FIG4: variants seen among roughly 807,000 people sequenced by gnomAD.
The protein encoded by FIG4 is polyphosphoinositide phosphatase.
Under a neutral mutation model 118.6 loss-of-function variants are expected in FIG4, and 112 were observed. The observed-to-expected ratio is 0.94, with a 90% CI of 0.81 to 1.11. The LOEUF (loss-of-function observed/expected upper bound fraction) is 1.11, where lower values mean the gene tolerates loss of function less well. Among genes scored for constraint, FIG4 ranks in the 50% least tolerant of loss-of-function variants. The probability of loss-of-function intolerance (pLI) is 0.00; values close to 1 mark genes in which losing one functional copy is unlikely to be tolerated. For missense variants in FIG4, 969 were observed against 1,111.7 expected (o/e 0.87, Z 1.83); for synonymous variants, 369 against 381.2 (o/e 0.97, Z 0.37).
In FIG4 at chr6:109,735,207, C is replaced by G; in HGVS notation, c.555C>G (p.Pro185=). ...ATAATCTCACTGTCTTGCGAATGCC[C>G]CTGGAGATGTTAAAGTCAGAAATGA... The part of the protein sequence containing the change: ...LQYNLTVLRM[P]LEMLKSEMTQ... The change falls in exon 6 of 23, where the codon CCC becomes CCG. Residue 185 remains proline (P), a synonymous_variant. Transcript: ENST00000230124. 6.2e-7 allele frequency: 1 copy of G among 1,612,784 alleles called. No individual in the cohort carries two copies. Among genetic ancestry groups the G allele is most frequent in the Non-Finnish European group, 8.5e-7 (1 of 1,178,996 alleles).
chr6:109,745,330 C>T (rs759624533), intron 10 of FIG4, among the ~76,000 whole-genome samples: 20 of 152,092 alleles, frequency 1.3e-4, no homozygotes, highest in African/African-American at 2.2e-4. Context: ...AAATGATCGC[C>T]GTTCTAACTG....
chr6:109,817,046 G>A (rs754712139), intron 22 of FIG4, among the ~76,000 whole-genome samples: 1 of 152,230 alleles, frequency 6.6e-6, no homozygotes, highest in Non-Finnish European at 1.5e-5. Context: ...TGGATGACCA[G>A]TTGTGCAGAG....
At chr6:109,772,227 A>G (rs1777488064) in intron 15 of FIG4, among the ~76,000 whole-genome samples, 1 of 152,144 alleles carries the variant, frequency 6.6e-6, no homozygotes, top group African/African-American at 2.4e-5. Flanking sequence ...TCAGTGGGAT[A>G]TTGAGATCTC....
intron 3 of FIG4, 145 bp from the exon 4 acceptor site, chr6:109,726,964 T>C (rs529372146): frequency 7.2e-6 from 5 of 692,576 alleles, no homozygotes; most frequent in South Asian, 6.8e-5. Context: ...AGAATAATCC[T>C]AAGACACCTG....
At chr6:109,786,078 G>T in intron 17 of FIG4, 2 of 544,140 alleles carry the variant, frequency 3.7e-6, no homozygotes, top group Non-Finnish European at 6.5e-6. Flanking sequence ...GGCCCTCCTG[G>T]CTCCTTAGAG....
chr6:109,710,137 G>A (rs980951007), intron 1 of FIG4, among the ~76,000 whole-genome samples: 1 of 151,902 alleles, frequency 6.6e-6, no homozygotes, highest in African/African-American at 2.4e-5. Context: ...ATGTTCCTTC[G>A]ATACCTTGCT....
At chr6:109,692,970 C>CTGT (rs1774573364) in intron 1 of FIG4, among the ~76,000 whole-genome samples, 1 of 152,150 alleles carries the variant, frequency 6.6e-6, no homozygotes, top group African/African-American at 2.4e-5. Context: ...AGGCATGAGC[C>CTGT]ACCGCATCTG....
intron 22 of FIG4, among the ~76,000 whole-genome samples, chr6:109,805,922 T>C (rs1364145341): frequency 6.6e-6 from 1 of 152,182 alleles, no homozygotes; most frequent in African/African-American, 2.4e-5. Flanking sequence ...TTATTTTTGA[T>C]AATAGAATAG....
At chr6:109,706,624 C>T (rs1290082887) in intron 1 of FIG4, among the ~76,000 whole-genome samples, 1 of 152,208 alleles carries the variant, frequency 6.6e-6, no homozygotes, top group Non-Finnish European at 1.5e-5. Context: ...ATGGCATAGT[C>T]TCACTGACAT....
intron 18 of FIG4, among the ~76,000 whole-genome samples, chr6:109,788,891 C>G (rs767494801): frequency 2.6e-5 from 4 of 152,176 alleles, no homozygotes; most frequent in Non-Finnish European, 5.9e-5. Flanking sequence ...ACTGTGGAAT[C>G]TGGTCTGGCT....
chr6:109,711,869 T>C (rs1482503785), intron 1 of FIG4, among the ~76,000 whole-genome samples: 1 of 152,224 alleles, frequency 6.6e-6, no homozygotes, highest in African/African-American at 2.4e-5. Context: ...GTCTGTGTAC[T>C]TCAGGGTGTT....
At position 109,821,077 on chromosome 6, in the gene FIG4, A is replaced by C. The variant is rs150225719; in HGVS notation, c.2547-4011A>C. ...TTTTGGTGAGTTCTGAAAGGGGCTG[A>C]GGCCGTCTGGGCCACATACAGTCTT... On this transcript the variant is annotated intron_variant, in intron 22 of 22. Transcript: ENST00000230124. 3.2e-3 allele frequency among the ~76,000 whole-genome samples: 483 copies of C among 152,332 alleles called. 2 individuals carry two copies. Among genetic ancestry groups the C allele is most frequent in the Middle Eastern group, 0.017 (5 of 294 alleles).
intron 10 of FIG4, among the ~76,000 whole-genome samples, chr6:109,749,228 T>C (rs1462345328): frequency 1.3e-5 from 2 of 152,138 alleles, no homozygotes; most frequent in Non-Finnish European, 2.9e-5. Context: ...CCACTAGGGA[T>C]TGACTTTGTA....
At chr6:109,765,535 C>T (rs1777255668) in intron 14 of FIG4, among the ~76,000 whole-genome samples, 1 of 151,924 alleles carries the variant, frequency 6.6e-6, no homozygotes, top group South Asian at 2.1e-4. Flanking sequence ...TGTATTCTTG[C>T]CATGGTTTGG....
At chr6:109,805,190 G>A (rs13220781) in intron 22 of FIG4, among the ~76,000 whole-genome samples, 3,486 of 152,218 alleles carry the variant, frequency 0.023, 51 homozygotes, top group Non-Finnish European at 0.035. Context: ...GTGTTAGAAG[G>A]ACAGGATACA....
At chr6:109,743,601 A>G in intron 9 of FIG4, 74 bp from the exon 10 acceptor site, 1 of 1,190,324 alleles carries the variant, frequency 8.4e-7, no homozygotes, top group East Asian at 2.3e-5. Context: ...TTCTTTAAAA[A>G]AACAACCCTA....
chr6:109,767,939 G>A (rs59198823), intron 15 of FIG4, among the ~76,000 whole-genome samples: 3,169 of 152,304 alleles, frequency 0.021, 101 homozygotes, highest in African/African-American at 0.073. Context: ...TCAGTGAAAA[G>A]AGAGTGGGCT....
chr6:109,760,526 A>C, intron 11 of FIG4, 143 bp downstream of exon 11: 1 of 768,276 alleles, frequency 1.3e-6, no homozygotes, highest in Non-Finnish European at 2.2e-6. Flanking sequence ...TGAGTGCATC[A>C]AGAAACTAAC....
At chr6:109,741,192 C>T (rs923693171) in intron 7 of FIG4, among the ~76,000 whole-genome samples, 2 of 152,158 alleles carry the variant, frequency 1.3e-5, no homozygotes, top group African/African-American at 2.4e-5. Context: ...AGTAACCCTA[C>T]ACCTGGTTAC....
Sources: gnomAD v4.1 joint callset for allele counts (sites outside exome capture counted in the v4.1 genomes callset) on GRCh38, gnomAD v4.1.1 for gene constraint, MANE v1.5 for transcripts, NCBI Gene and HGNC (gene_info 2026-07-23, HGNC 2026-07-21) for gene names.